The following ST6GALNAC3 variants were observed in gnomAD, a reference collection of about 807,000 sequenced individuals.
ST6GALNAC3 encodes the protein ST6 N-acetylgalactosaminide alpha-2,6-sialyltransferase 3, also known as alpha-N-acetylgalactosaminide alpha-2,6-sialyltransferase 3.
A neutral mutation model predicts 32.7 loss-of-function variants in ST6GALNAC3; 25 were observed. The ratio of observed to expected loss-of-function variants is 0.76; its 90% CI spans 0.56 to 1.07. The LOEUF is 1.07. ST6GALNAC3 is among the 50% of genes least tolerant of loss of function. The pLI, the probability that ST6GALNAC3 is intolerant of heterozygous loss-of-function variation, is 0.00. For missense variants in ST6GALNAC3, 355 were observed against 382.4 expected, an observed-to-expected ratio of 0.93 and a Z score of 0.60; for synonymous variants, 129 against 133.1, an observed-to-expected ratio of 0.97 and a Z score of 0.21.
At chr1:76,145,948 C>T (rs1650655380) in intron 1 of ST6GALNAC3, among the ~76,000 whole-genome samples, 1 of 152,140 alleles carries the variant, frequency 6.6e-6, no homozygotes, top group African/African-American at 2.4e-5. Flanking sequence ...ATAATCTGGA[C>T]CTGTACCTAA....
chr1:76,567,899 T>C (rs1207268483), intron 3 of ST6GALNAC3, among the ~76,000 whole-genome samples: 3 of 152,240 alleles, frequency 2.0e-5, no homozygotes, highest in African/African-American at 7.2e-5. Flanking sequence ...CTCTAATGCA[T>C]ATATATTTGC....
chr1:76,350,747 A>G (rs1312374010), intron 2 of ST6GALNAC3, among the ~76,000 whole-genome samples: 1 of 152,178 alleles, frequency 6.6e-6, no homozygotes, highest in Non-Finnish European at 1.5e-5. Flanking sequence ...CTCATCTAAG[A>G]CATGTAATAT....
At chr1:76,477,201 G>T (rs540663925) in intron 3 of ST6GALNAC3, among the ~76,000 whole-genome samples, 2 of 149,118 alleles carry the variant, frequency 1.3e-5, no homozygotes, top group African/African-American at 5.0e-5. Context: ...CTGGAGACTA[G>T]ATCACATTCT....
chr1:76,201,470 A>G (rs998897759), intron 1 of ST6GALNAC3, among the ~76,000 whole-genome samples: 5 of 152,182 alleles, frequency 3.3e-5, no homozygotes, highest in Non-Finnish European at 5.9e-5. Context: ...GGGAGCTACA[A>G]TTCAAGATGA....
chr1:76,282,518 A>G (rs1022326382), intron 1 of ST6GALNAC3, among the ~76,000 whole-genome samples: 6 of 152,164 alleles, frequency 3.9e-5, no homozygotes, highest in African/African-American at 1.4e-4. Flanking sequence ...TTGGATATTT[A>G]GGTAGTTTCC....
At chr1:76,105,719 A>G (rs1475417238) in intron 1 of ST6GALNAC3, among the ~76,000 whole-genome samples, 8 of 152,110 alleles carry the variant, frequency 5.3e-5, no homozygotes, top group Admixed American at 3.3e-4. Flanking sequence ...GGCCATTACT[A>G]TTTGCCTCAA....
At chr1:76,347,022 G>T (rs1207760665) in intron 2 of ST6GALNAC3, among the ~76,000 whole-genome samples, 3 of 152,080 alleles carry the variant, frequency 2.0e-5, no homozygotes, top group African/African-American at 7.2e-5. Flanking sequence ...CAAAAAAAGA[G>T]CTTACTGCAT....
chr1:76,532,370 A>G (rs1022681061), intron 3 of ST6GALNAC3, among the ~76,000 whole-genome samples: 1 of 152,204 alleles, frequency 6.6e-6, no homozygotes, highest in African/African-American at 2.4e-5. Flanking sequence ...TACAAATGGC[A>G]TCTGAATACC....
intron 1 of ST6GALNAC3, among the ~76,000 whole-genome samples, chr1:76,204,801 CGAGT>C (rs1483269124): frequency 1.3e-5 from 2 of 152,094 alleles, no homozygotes; most frequent in Non-Finnish European, 2.9e-5. Context: ...TCAAGAAAAT[CGAGT>C]GAGAGATAAT....
chr1:76,514,917 T>C (rs1662083024), intron 3 of ST6GALNAC3, among the ~76,000 whole-genome samples: 2 of 152,318 alleles, frequency 1.3e-5, no homozygotes, highest in Non-Finnish European at 2.9e-5. Flanking sequence ...TTCTGTTTGC[T>C]AGTTTCATGT....
Position 76,629,022 on chromosome 1 carries a change from T to TC in ST6GALNAC3, c.*217dup. Reference sequence around the variant, plus strand: ...TGCTCATGATGTTCTTTCTGGAGGTTCAACACTACGTACCGCACTTTATAA... The same window carrying TC: ...TGCTCATGATGTTCTTTCTGGAGGTTCCAACACTACGTACCGCACTTTATAA... On this transcript the variant is annotated 3_prime_UTR_variant, in exon 5 of 5. Coordinates refer to ENST00000328299, the MANE Select transcript of ST6GALNAC3 (RefSeq NM_152996.4). 7.3e-7 allele frequency: 1 copy of TC among 1,363,744 alleles called. No homozygotes were observed. Among genetic ancestry groups the TC allele is most frequent in the Non-Finnish European group, 9.4e-7 (1 of 1,062,680 alleles). The allele number at this position is 1,363,744 out of a possible 1,614,324, so 84.5% of individuals were successfully genotyped here. A position where few individuals can be genotyped will look rare whatever the true frequency, so the allele number is the denominator to read the frequency against.
intron 3 of ST6GALNAC3, among the ~76,000 whole-genome samples, chr1:76,579,144 T>C (rs1243952884): frequency 6.6e-6 from 1 of 152,084 alleles, no homozygotes; most frequent in Non-Finnish European, 1.5e-5. Flanking sequence ...TGAATTCATA[T>C]GTCCACTAAT....
At chr1:76,535,361 T>G (rs978029241) in intron 3 of ST6GALNAC3, among the ~76,000 whole-genome samples, 29 of 152,308 alleles carry the variant, frequency 1.9e-4, no homozygotes, top group African/African-American at 6.7e-4. Context: ...AATTCTAGTA[T>G]CACTACTGAA....
At chr1:76,389,340 T>G (rs557064389) in intron 2 of ST6GALNAC3, among the ~76,000 whole-genome samples, 144 of 152,250 alleles carry the variant, frequency 9.5e-4, no homozygotes, top group Non-Finnish European at 1.5e-3. Context: ...TGACCATGAC[T>G]GAGATGGCCA....
At chr1:76,114,654 G>A (rs1648331854) in intron 1 of ST6GALNAC3, among the ~76,000 whole-genome samples, 1 of 152,082 alleles carries the variant, frequency 6.6e-6, no homozygotes, top group African/African-American at 2.4e-5. Flanking sequence ...ATAAATGGTA[G>A]GTTTCTCACT....
chr1:76,113,298 A>G (rs1648211154), intron 1 of ST6GALNAC3, among the ~76,000 whole-genome samples: 2 of 135,778 alleles, frequency 1.5e-5, no homozygotes, highest in Non-Finnish European at 3.1e-5. Flanking sequence ...AGTACAGTCC[A>G]GCTTCCGCTC....
chr1:76,436,234 A>G (rs1053128752), intron 3 of ST6GALNAC3, among the ~76,000 whole-genome samples: 6 of 152,190 alleles, frequency 3.9e-5, no homozygotes, highest in African/African-American at 9.6e-5. Context: ...CAAATTGCTA[A>G]TAATTAAATG....
intron 3 of ST6GALNAC3, among the ~76,000 whole-genome samples, chr1:76,498,721 A>G (rs984583215): frequency 4.1e-5 from 4 of 97,084 alleles, no homozygotes; most frequent in Non-Finnish European, 5.5e-5. Context: ...GATTCGCAAC[A>G]AAGCAGAAAA....
chr1:76,255,268 G>A (rs1039450514), intron 1 of ST6GALNAC3, among the ~76,000 whole-genome samples: 5 of 151,930 alleles, frequency 3.3e-5, no homozygotes, highest in Admixed American at 6.6e-5. Context: ...AGTTGTTTGC[G>A]CTTGGGAGGA....
Sources: allele counts gnomAD v4.1 joint callset (sites outside exome capture counted in the v4.1 genomes callset), GRCh38; gene constraint gnomAD v4.1.1; transcripts MANE v1.5; gene names NCBI Gene and HGNC (gene_info 2026-07-23, HGNC 2026-07-21).